TTLL11: variants seen among roughly 807,000 people sequenced by gnomAD.
TTLL11 encodes the protein tubulin tyrosine ligase like 11.
A neutral mutation model predicts 51.7 loss-of-function variants in TTLL11; 42 were observed. The ratio of observed to expected loss-of-function variants is 0.81; its 90% CI spans 0.64 to 1.05. TTLL11 has a LOEUF of 1.05. TTLL11 is among the 50% of genes least tolerant of loss of function. TTLL11 has a pLI of 0.00. For missense variants in TTLL11, 799 were observed against 940.4 expected, an observed-to-expected ratio of 0.85 and a Z score of 1.97; for synonymous variants, 381 against 383.5, an observed-to-expected ratio of 0.99 and a Z score of 0.08.
At chr9:121,942,116 C>T (rs1390496525) in intron 6 of TTLL11, among the ~76,000 whole-genome samples, 2 of 152,214 alleles carry the variant, frequency 1.3e-5, no homozygotes, top group Non-Finnish European at 2.9e-5. Context: ...CCAGCCTCTG[C>T]CATTCAGCCC....
chr9:121,978,623 A>G (rs1842766336), intron 4 of TTLL11, among the ~76,000 whole-genome samples: 1 of 152,160 alleles, frequency 6.6e-6, no homozygotes, highest in Admixed American at 6.5e-5. Flanking sequence ...TGCCTCCCCA[A>G]GTAATTAAAT....
At chr9:122,087,642 A>C (rs761381123) in intron 1 of TTLL11, among the ~76,000 whole-genome samples, 1 of 152,150 alleles carries the variant, frequency 6.6e-6, no homozygotes, top group African/African-American at 2.4e-5. Flanking sequence ...GTGCACATAA[A>C]CACAACCTAC....
intron 6 of TTLL11, among the ~76,000 whole-genome samples, chr9:121,904,942 T>C (rs1260757111): frequency 6.6e-6 from 1 of 152,176 alleles, no homozygotes; most frequent in Non-Finnish European, 1.5e-5. Flanking sequence ...CGATGCTCCT[T>C]TTGCCATTTT....
chr9:121,894,357 C>G (rs1431972218), intron 6 of TTLL11, among the ~76,000 whole-genome samples: 2 of 152,114 alleles, frequency 1.3e-5, no homozygotes, highest in African/African-American at 4.8e-5. Context: ...GGATCTGGAA[C>G]CAGAAATGCC....
At chr9:121,953,598 A>G (rs989643458) in intron 6 of TTLL11, among the ~76,000 whole-genome samples, 4 of 145,382 alleles carry the variant, frequency 2.8e-5, no homozygotes, top group Non-Finnish European at 4.5e-5. Context: ...GCGCTAATGC[A>G]CTCCAGCCTG....
At chr9:121,940,029 C>T (rs1398457100) in intron 6 of TTLL11, among the ~76,000 whole-genome samples, 1 of 152,180 alleles carries the variant, frequency 6.6e-6, no homozygotes, top group Admixed American at 6.5e-5. Flanking sequence ...TGTCTTCCCT[C>T]CTCCAGCGTT....
intron 3 of TTLL11, among the ~76,000 whole-genome samples, chr9:121,992,248 G>T (rs1211401419): frequency 2.0e-5 from 3 of 152,128 alleles, no homozygotes; most frequent in Non-Finnish European, 4.4e-5. Flanking sequence ...ATAGCCACCA[G>T]ACCCTTCCGC....
At chr9:121,929,879 G>A (rs1840902338) in intron 6 of TTLL11, among the ~76,000 whole-genome samples, 1 of 152,222 alleles carries the variant, frequency 6.6e-6, no homozygotes, top group Non-Finnish European at 1.5e-5. Context: ...AAGGTCCTAT[G>A]CTTTGATGTT....
At chr9:121,842,137 T>A (rs1445558375) in intron 8 of TTLL11, among the ~76,000 whole-genome samples, 1 of 152,134 alleles carries the variant, frequency 6.6e-6, no homozygotes, top group Non-Finnish European at 1.5e-5. Context: ...AGGCTGGGGA[T>A]GTAGAAAGTC....
chr9:121,961,278 GTTTA>G (rs1842210427), intron 6 of TTLL11, among the ~76,000 whole-genome samples: 2 of 152,104 alleles, frequency 1.3e-5, no homozygotes, highest in African/African-American at 2.4e-5. Flanking sequence ...ATATTGTTCA[GTTTA>G]TTTAACTACA....
rs1564260394 is a variant in TTLL11, at chr9:121,826,511, ATATGTATATATATATATGTGTG to A, written c.1841-3654_1841-3633del. 1.7e-4 allele frequency among the ~76,000 whole-genome samples: 11 copies of A among 62,920 alleles called. 1 individual carries two copies. Among genetic ancestry groups the A allele is most frequent in the Non-Finnish European group, 2.6e-4 (9 of 34,928 alleles). 41.3% of individuals were successfully genotyped at this position (62,920 alleles called of 152,430 possible). A position where few individuals can be genotyped will look rare whatever the true frequency, so the allele number is the denominator to read the frequency against. On this transcript the variant is annotated intron_variant, in intron 8 of 8. Coordinates refer to ENST00000321582, the MANE Select transcript of TTLL11 (RefSeq NM_001139442.2). ...TATATATATGTGTGTGTATATATAT[ATATGTATATATATATATGTGTG>A]TGTGTATATATATATATGTGTGTGT...
intron 4 of TTLL11, among the ~76,000 whole-genome samples, chr9:121,979,846 C>T (rs1564338825): frequency 6.6e-6 from 1 of 152,078 alleles, no homozygotes; most frequent in Non-Finnish European, 1.5e-5. Context: ...AGCTTTATCT[C>T]CTCCCACTTA....
At chr9:121,983,300 T>C (rs1312516488) in intron 4 of TTLL11, among the ~76,000 whole-genome samples, 2 of 152,210 alleles carry the variant, frequency 1.3e-5, no homozygotes, top group Non-Finnish European at 2.9e-5. Flanking sequence ...AGCTTGACTT[T>C]GGACGTGTTC....
intron 6 of TTLL11, among the ~76,000 whole-genome samples, chr9:121,883,216 C>A (rs368392314): frequency 6.6e-6 from 1 of 152,060 alleles, no homozygotes; most frequent in East Asian, 1.9e-4. Flanking sequence ...AATTGTGTGG[C>A]CTTAGGAAAT....
At chr9:121,969,531 G>C (rs1373465331) in intron 6 of TTLL11, among the ~76,000 whole-genome samples, 4 of 152,124 alleles carry the variant, frequency 2.6e-5, no homozygotes, top group Admixed American at 2.0e-4. Flanking sequence ...GAGTTTGGGG[G>C]ATCTACTTTT....
intron 6 of TTLL11, among the ~76,000 whole-genome samples, chr9:121,899,823 A>C (rs1419770179): frequency 6.6e-6 from 1 of 152,186 alleles, no homozygotes; most frequent in Non-Finnish European, 1.5e-5. Flanking sequence ...CTACATTCCC[A>C]GTGACTAAAG....
chr9:121,954,223 C>T (rs571549484), intron 6 of TTLL11, among the ~76,000 whole-genome samples: 1 of 152,340 alleles, frequency 6.6e-6, no homozygotes, highest in African/African-American at 2.4e-5. Context: ...CATGTATTCA[C>T]TGTTGTGTTA....
Position 122,002,249 on chromosome 9 carries a change from A to T in TTLL11, c.694-12479T>A, listed in dbSNP as rs183652465. Reference sequence around the variant, plus strand: ...AGGAAACCTCTCTGCTTCCTTAATAAATCAGAGAGGGACACTGAAGGCAGC... The same window carrying T: ...AGGAAACCTCTCTGCTTCCTTAATATATCAGAGAGGGACACTGAAGGCAGC... On this transcript the variant is annotated intron_variant, in intron 3 of 8. Transcript: ENST00000321582. 5.3e-5 allele frequency among the ~76,000 whole-genome samples: 8 copies of T among 152,270 alleles called. 1 individual carries two copies. Among genetic ancestry groups the T allele is most frequent in the Admixed American group, 5.2e-4 (8 of 15,302 alleles).
At chr9:122,011,447 T>C (rs1455972519) in intron 3 of TTLL11, among the ~76,000 whole-genome samples, 1 of 152,176 alleles carries the variant, frequency 6.6e-6, no homozygotes, top group Non-Finnish European at 1.5e-5. Flanking sequence ...GAGCATGTGA[T>C]GTATGCCCCA....
Sources: gnomAD v4.1 joint callset for allele counts (sites outside exome capture counted in the v4.1 genomes callset) on GRCh38, gnomAD v4.1.1 for gene constraint, MANE v1.5 for transcripts, NCBI Gene and HGNC (gene_info 2026-07-23, HGNC 2026-07-21) for gene names.